Variants in CDH13 observed in about 807,000 individuals in gnomAD.
CDH13 encodes cadherin-13.
Under a neutral mutation model 63.8 loss-of-function variants are expected in CDH13, and 24 were observed. The observed-to-expected ratio is 0.38, with a 90% CI of 0.27 to 0.53. The LOEUF is 0.53. Ranked by LOEUF, CDH13 falls within the 20% of genes least tolerant of loss-of-function variation. CDH13 has a pLI of 0.85. For missense variants in CDH13, 1,049 were observed against 903.1 expected, an observed-to-expected ratio of 1.16 and a Z score of -2.07; for synonymous variants, 503 against 355.3, an observed-to-expected ratio of 1.42 and a Z score of -4.67.
chr16:82,684,000 T>C (rs960547722), intron 1 of CDH13, among the ~76,000 whole-genome samples: 1 of 152,266 alleles, frequency 6.6e-6, no homozygotes, highest in Non-Finnish European at 1.5e-5. Flanking sequence ...AGCAGTTGGA[T>C]GGGGAGTGCC....
At position 83,343,774 on chromosome 16, in the gene CDH13, T is replaced by A. The variant is rs74798294; in HGVS notation, c.637-1088T>A. On this transcript the variant is annotated intron_variant, in intron 5 of 13. Transcript: ENST00000567109. ...GTTTATAGTGGTTAAAAAAGTGAGC[T>A]CTGGAGGCAGACTTCCCAAGGTCAA... is the stretch of plus-strand genomic sequence containing the variant. 3.9e-3 allele frequency among the ~76,000 whole-genome samples: 590 copies of A among 152,334 alleles called. 5 individuals carry two copies. The highest frequency in any genetic ancestry group is 0.013 in the African/African-American group (552 of 41,584).
intron 2 of CDH13, among the ~76,000 whole-genome samples, chr16:82,891,456 C>G (rs1472948018): frequency 2.0e-5 from 3 of 152,180 alleles, no homozygotes; most frequent in African/African-American, 7.2e-5. Context: ...AAAGCAGAAA[C>G]TCAACACATT....
intron 2 of CDH13, among the ~76,000 whole-genome samples, chr16:82,912,710 G>T (rs575273317): frequency 6.4e-4 from 97 of 152,306 alleles, no homozygotes; most frequent in Admixed American, 2.8e-3. Flanking sequence ...TTGGGAGGCC[G>T]AGGTGGGCGG....
At chr16:83,532,804 A>G (rs2075109181) in intron 7 of CDH13, among the ~76,000 whole-genome samples, 1 of 152,188 alleles carries the variant, frequency 6.6e-6, no homozygotes. Context: ...TTGTCCCATT[A>G]AGCCATGTGA....
chr16:83,025,945 A>C (rs1434766910), intron 2 of CDH13, among the ~76,000 whole-genome samples: 1 of 152,134 alleles, frequency 6.6e-6, no homozygotes, highest in East Asian at 1.9e-4. Context: ...TAATCTTGGG[A>C]GAGAGTGGGG....
intron 11 of CDH13, among the ~76,000 whole-genome samples, chr16:83,752,581 A>G (rs1271181726): frequency 2.6e-5 from 4 of 152,182 alleles, no homozygotes; most frequent in East Asian, 1.9e-4. Context: ...ATAATTTACA[A>G]TGTAGTCAGG....
At chr16:83,433,767 A>G (rs1031698788) in intron 6 of CDH13, among the ~76,000 whole-genome samples, 1 of 152,218 alleles carries the variant, frequency 6.6e-6, no homozygotes, top group East Asian at 1.9e-4. Flanking sequence ...GTCACATTAC[A>G]CTTGTTTATG....
At chr16:83,755,716 C>G (rs1280291854) in intron 11 of CDH13, among the ~76,000 whole-genome samples, 1 of 150,176 alleles carries the variant, frequency 6.7e-6, no homozygotes, top group East Asian at 2.0e-4. Context: ...AAATTTTTCC[C>G]TTCAAAATCA....
chr16:83,147,667 A>T (rs2036808315), intron 4 of CDH13, among the ~76,000 whole-genome samples: 1 of 152,088 alleles, frequency 6.6e-6, no homozygotes, highest in Non-Finnish European at 1.5e-5. Context: ...CCTTATGGGA[A>T]AGGGACAACT....
At chr16:83,230,896 A>C (rs778724777) in intron 5 of CDH13, among the ~76,000 whole-genome samples, 1 of 152,218 alleles carries the variant, frequency 6.6e-6, no homozygotes, top group Non-Finnish European at 1.5e-5. Context: ...CTAAGATAGA[A>C]AGAAAGGAAA....
intron 5 of CDH13, among the ~76,000 whole-genome samples, chr16:83,278,850 T>A (rs920261075): frequency 6.6e-6 from 1 of 152,162 alleles, no homozygotes; most frequent in African/African-American, 2.4e-5. Context: ...AGAACATGAC[T>A]ACCTTGCCTG....
chr16:83,034,815 G>A (rs192078281), intron 3 of CDH13, among the ~76,000 whole-genome samples: 45 of 152,298 alleles, frequency 3.0e-4, no homozygotes, highest in African/African-American at 1.1e-3. Flanking sequence ...GCCACGCATT[G>A]TTTGTACCTC....
chr16:83,283,384 A>G (rs1015037628), intron 5 of CDH13, among the ~76,000 whole-genome samples: 1 of 152,174 alleles, frequency 6.6e-6, no homozygotes, highest in African/African-American at 2.4e-5. Context: ...TGAGGCTGGG[A>G]ATTCAAGACC....
At chr16:82,709,893 T>C (rs2031779847) in intron 1 of CDH13, among the ~76,000 whole-genome samples, 1 of 151,932 alleles carries the variant, frequency 6.6e-6, no homozygotes, top group Admixed American at 6.6e-5. Context: ...AAAGAAGGAA[T>C]GGGTTTGAAA....
intron 8 of CDH13, among the ~76,000 whole-genome samples, chr16:83,650,593 T>C (rs937859254): frequency 1.3e-5 from 2 of 152,160 alleles, no homozygotes; most frequent in African/African-American, 4.8e-5. Flanking sequence ...TGAACACATT[T>C]TTTATTGTCA....
intron 5 of CDH13, among the ~76,000 whole-genome samples, chr16:83,335,985 G>C (rs2090586419): frequency 6.6e-6 from 1 of 151,960 alleles, no homozygotes; most frequent in Admixed American, 6.6e-5. Context: ...TCCTGTTACA[G>C]CCCTACAGCT....
chr16:82,666,121 T>C (rs11646011), intron 1 of CDH13, among the ~76,000 whole-genome samples: 59,395 of 151,950 alleles, frequency 0.39, 12,609 homozygotes, highest in Non-Finnish European at 0.48. Context: ...TCTCTGCCTA[T>C]AACGATCTCA....
Position 83,196,085 on chromosome 16 carries a change from G to A in CDH13, c.484-21260G>A, listed in dbSNP as rs375258769. On this transcript the variant is annotated intron_variant, in intron 4 of 13. Transcript: ENST00000567109. The stretch of plus-strand genomic sequence containing the variant: ...AGCCTGGCCAACATGGTGAAACCGC[G>A]TCTCTACTAAAAATACAAAAATTAG... Among the ~76,000 whole-genome samples the A allele has an allele frequency of 3.0e-4, 46 of 152,140 alleles. No homozygotes were observed. In the South Asian group the frequency reaches 8.5e-3, roughly 28 times the overall value.
chr16:82,777,869 C>T (rs536261224), intron 1 of CDH13, among the ~76,000 whole-genome samples: 16 of 152,272 alleles, frequency 1.1e-4, no homozygotes, highest in African/African-American at 3.6e-4. Flanking sequence ...AATTCCTTGC[C>T]TTTTGGACAG....
Sources: allele counts gnomAD v4.1 joint callset (sites outside exome capture counted in the v4.1 genomes callset), GRCh38; gene constraint gnomAD v4.1.1; transcripts MANE v1.5; gene names NCBI Gene and HGNC (gene_info 2026-07-23, HGNC 2026-07-21).